The following NCKAP5 variants were observed in gnomAD, a reference collection of about 807,000 sequenced individuals.
NCKAP5 encodes nck-associated protein 5.
Under a neutral mutation model 167.0 loss-of-function variants are expected in NCKAP5, and 92 were observed. That is an observed-to-expected ratio of 0.55 (90% CI 0.47 to 0.66). The LOEUF is 0.66. Ranked by LOEUF, NCKAP5 falls within the 30% of genes least tolerant of loss-of-function variation. NCKAP5 has a pLI of 0.00. For missense variants in NCKAP5, 2,378 were observed against 2,315.0 expected (o/e 1.03, Z -0.56); for synonymous variants, 891 against 877.4 (o/e 1.02, Z -0.27).
intron 6 of NCKAP5, among the ~76,000 whole-genome samples, chr2:133,104,332 T>G (rs1003742036): frequency 5.3e-5 from 8 of 152,326 alleles, no homozygotes; most frequent in African/African-American, 1.9e-4. Context: ...ATGTCCTCCA[T>G]CAGTGAACAG....
intron 8 of NCKAP5, among the ~76,000 whole-genome samples, chr2:132,957,259 T>C (rs2076371438): frequency 6.6e-6 from 1 of 152,216 alleles, no homozygotes; most frequent in African/African-American, 2.4e-5. Context: ...TCACACTCAG[T>C]TGCTAAAACC....
chr2:133,162,917 T>C lies in NCKAP5; in HGVS notation c.208-32806A>G, dbSNP rs578024993. Among the ~76,000 whole-genome samples the C allele has an allele frequency of 4.8e-4, 73 of 152,294 alleles. 1 individual carries two copies. The highest frequency in any genetic ancestry group is 1.5e-3 in the African/African-American group (61 of 41,568). On this transcript the variant is annotated intron_variant, in intron 5 of 19. Coordinates refer to ENST00000409261, the MANE Select transcript of NCKAP5 (RefSeq NM_207363.3). ...TTTTCCATGTGAGAAAATGCATTAT[T>C]GTGAAGGTTCAGAGACATAAAGATG... is the stretch of plus-strand genomic sequence containing the variant.
rs1371411049 is a variant in NCKAP5, at chr2:133,465,167, C to A, written c.69+52291G>T. Among the ~76,000 whole-genome samples, 23 of 107,738 alleles carry A rather than the reference C, an allele frequency of 2.1e-4. 1 individual carries two copies. The highest frequency in any genetic ancestry group is 8.2e-4 in the African/African-American group (23 of 28,012). The allele number at this position is 107,738 out of a possible 152,430, so 70.7% of individuals were successfully genotyped here. A position where few individuals can be genotyped will look rare whatever the true frequency, so the allele number is the denominator to read the frequency against. On this transcript the variant is annotated intron_variant, in intron 3 of 19. Transcript: ENST00000409261. ...GTGCTATCCCTCCCCCCTCCCCCCA[C>A]CCCACAACAGTCCCCAGAGTGTGAT...
intron 4 of NCKAP5, among the ~76,000 whole-genome samples, chr2:133,222,525 T>C (rs2086698903): frequency 6.6e-6 from 1 of 152,336 alleles, no homozygotes; most frequent in Non-Finnish European, 1.5e-5. Context: ...GCAAATATCA[T>C]CTTAGTATTC....
At chr2:133,420,830 G>T (rs10204527) in intron 3 of NCKAP5, among the ~76,000 whole-genome samples, 30,794 of 151,938 alleles carry the variant, frequency 0.2, 3,173 homozygotes, top group African/African-American at 0.24. Flanking sequence ...CGTCACTTGC[G>T]AAGCTGAGTT....
chr2:133,312,150 C>CT (rs1235431622), intron 3 of NCKAP5, among the ~76,000 whole-genome samples: 1 of 152,160 alleles, frequency 6.6e-6, no homozygotes, highest in Admixed American at 6.5e-5. Context: ...GAAAACATCT[C>CT]TTTATAACCT....
intron 5 of NCKAP5, among the ~76,000 whole-genome samples, chr2:133,160,771 A>T (rs994511322): frequency 6.6e-6 from 1 of 151,944 alleles, no homozygotes; most frequent in African/African-American, 2.4e-5. Context: ...TTCCATACCC[A>T]GTTCTGAGGA....
intron 7 of NCKAP5, among the ~76,000 whole-genome samples, chr2:132,983,716 G>A (rs1013330681): frequency 2.0e-5 from 3 of 152,090 alleles, no homozygotes; most frequent in African/African-American, 7.2e-5. Flanking sequence ...TCGGGAGGAG[G>A]GGGGCAACTT....
chr2:133,502,399 T>A (rs1682602341), intron 3 of NCKAP5, among the ~76,000 whole-genome samples: 1 of 152,120 alleles, frequency 6.6e-6, no homozygotes, highest in African/African-American at 2.4e-5. Flanking sequence ...GAACATTGGA[T>A]CAAAGGCAGC....
At chr2:132,923,939 T>C (rs1420337148) in intron 8 of NCKAP5, among the ~76,000 whole-genome samples, 1 of 152,180 alleles carries the variant, frequency 6.6e-6, no homozygotes, top group Non-Finnish European at 1.5e-5. Context: ...TCTGACACAT[T>C]AAAAGCTGGA....
At chr2:133,591,205 T>G in the NCKAP5 span, among the ~76,000 whole-genome samples, 17 of 152,170 alleles carry the variant, frequency 1.1e-4, no homozygotes, top group African/African-American at 4.1e-4. Context: ...GGAGCAATGA[T>G]CATTTATTTA....
rs1262528141 is a variant in NCKAP5 at position 133,538,936 on chromosome 2, T to TGG, written c.-62+20113_-62+20114insCC. On this transcript the variant is annotated intron_variant, in intron 2 of 19. Transcript: ENST00000409261. ...TTTTTTTGTGGTTTTTTTGGGTTTT[T>TGG]TTTTTTTTTTTTTTTTTTTTTTGAG... Among the ~76,000 whole-genome samples, 102 of 127,544 alleles carry TGG rather than the reference T, an allele frequency of 8.0e-4. 1 individual carries two copies. Among genetic ancestry groups the TGG allele is most frequent in the East Asian group, 2.5e-3 (11 of 4,444 alleles). 83.7% of individuals were successfully genotyped at this position (127,544 alleles called of 152,430 possible).
At chr2:133,282,373 G>A (rs143552455) in intron 4 of NCKAP5, among the ~76,000 whole-genome samples, 14 of 152,288 alleles carry the variant, frequency 9.2e-5, no homozygotes, top group African/African-American at 3.4e-4. Flanking sequence ...GCCTACAACA[G>A]ATATTCTTGA....
At chr2:132,958,453 T>G (rs890365669) in intron 8 of NCKAP5, among the ~76,000 whole-genome samples, 17 of 152,222 alleles carry the variant, frequency 1.1e-4, no homozygotes, top group Non-Finnish European at 1.2e-4. Context: ...GGATTTGTCT[T>G]TATAAATGAG....
intron 3 of NCKAP5, among the ~76,000 whole-genome samples, chr2:133,365,524 TAC>T (rs3083042): frequency 9.4e-5 from 14 of 149,076 alleles, no homozygotes; most frequent in Admixed American, 1.3e-4. Context: ...ATACTTAGCC[TAC>T]ACACACACAC....
chr2:132,857,080 A>G (rs1245479954), intron 11 of NCKAP5, among the ~76,000 whole-genome samples: 2 of 152,190 alleles, frequency 1.3e-5, no homozygotes, highest in African/African-American at 4.8e-5. Flanking sequence ...GACACATGGT[A>G]AGCACTACTA....
At chr2:133,242,304 T>G (rs1460397642) in intron 4 of NCKAP5, among the ~76,000 whole-genome samples, 1 of 151,806 alleles carries the variant, frequency 6.6e-6, no homozygotes, top group Non-Finnish European at 1.5e-5. Flanking sequence ...AACTTTATCT[T>G]ATCCTGGAAT....
chr2:133,136,242 T>C (rs2082782000), intron 5 of NCKAP5, among the ~76,000 whole-genome samples: 1 of 152,224 alleles, frequency 6.6e-6, no homozygotes, highest in Non-Finnish European at 1.5e-5. Context: ...GATTCAAATA[T>C]GGAAAGCCAA....
chr2:133,045,610 A>G (rs2079371672), intron 6 of NCKAP5, among the ~76,000 whole-genome samples: 1 of 152,158 alleles, frequency 6.6e-6, no homozygotes, highest in African/African-American at 2.4e-5. Flanking sequence ...GAAATAGTGA[A>G]TAGTATGAGA....
Sources: allele counts gnomAD v4.1 joint callset (sites outside exome capture counted in the v4.1 genomes callset), GRCh38; gene constraint gnomAD v4.1.1; transcripts MANE v1.5; gene names NCBI Gene and HGNC (gene_info 2026-07-23, HGNC 2026-07-21).